Variants in QSOX2 observed in about 807,000 individuals in gnomAD.
The protein encoded by QSOX2 is quiescin sulfhydryl oxidase 2.
A neutral mutation model predicts 61.7 loss-of-function variants in QSOX2; 46 were observed. The observed-to-expected ratio is 0.75, with a 90% confidence interval of 0.59 to 0.95. The LOEUF is 0.95. QSOX2 is among the 40% of genes least tolerant of loss of function. The pLI is 0.00. For synonymous variants in QSOX2, 383 were observed against 388.4 expected (o/e 0.99, Z 0.16); for missense variants, 879 against 918.9 (o/e 0.96, Z 0.56).
At chr9:136,225,983 G>A (rs1016701619) in intron 2 of QSOX2, among the ~76,000 whole-genome samples, 4 of 152,250 alleles carry the variant, frequency 2.6e-5, no homozygotes, top group African/African-American at 9.6e-5. Flanking sequence ...CTGGGGCAGG[G>A]CTGACACCGG....
At chr9:136,238,735 A>C (rs1323560851) in intron 1 of QSOX2, among the ~76,000 whole-genome samples, 2 of 152,244 alleles carry the variant, frequency 1.3e-5, no homozygotes, top group Non-Finnish European at 2.9e-5. Context: ...TTCCCTGCTT[A>C]AAATTGTTCT....
Position 136,208,640 on chromosome 9 carries a change from C to T in QSOX2, c.*88G>A. Reference sequence around the variant, plus strand: ...AACCAGGCCCGCATGTTTATAAAATCCCTGATCATAAATATTAAAGCTGCA... The same window carrying T: ...AACCAGGCCCGCATGTTTATAAAATTCCTGATCATAAATATTAAAGCTGCA... On this transcript the variant is annotated 3_prime_UTR_variant, in exon 12 of 12. Coordinates refer to ENST00000358701, the MANE Select transcript of QSOX2 (RefSeq NM_181701.4). 1 of 1,447,628 alleles carries T rather than the reference C, an allele frequency of 6.9e-7. No individual in the cohort carries two copies. Among genetic ancestry groups the T allele is most frequent in the South Asian group, 1.5e-5 (1 of 67,212 alleles). 89.7% of individuals were successfully genotyped at this position (1,447,628 alleles called of 1,614,324 possible).
At chr9:136,238,239 T>G (rs1190402267) in intron 1 of QSOX2, among the ~76,000 whole-genome samples, 1 of 152,094 alleles carries the variant, frequency 6.6e-6, no homozygotes, top group Non-Finnish European at 1.5e-5. Flanking sequence ...AGAAAACTAG[T>G]CAGACGGGGA....
rs1172692290 is a variant in QSOX2 at position 136,218,813 on chromosome 9, G to C, written c.957-5C>G. On this transcript the variant is annotated splice_polypyrimidine_tract_variant and splice_region_variant and intron_variant, in intron 7 of 11. Coordinates refer to ENST00000358701, the MANE Select transcript of QSOX2 (RefSeq NM_181701.4). The stretch of plus-strand genomic sequence containing the variant: ...TCCACCGTGTACAGCTTCGACCTAG[G>C]ACGGGATATGGCAGCGTCAGGGAAT... 1 of 1,612,672 alleles carries C rather than the reference G, an allele frequency of 6.2e-7. No homozygotes were observed. Among genetic ancestry groups the C allele is most frequent in the East Asian group, 2.2e-5 (1 of 44,874 alleles).
chr9:136,213,776 G>A (rs1267443536), intron 10 of QSOX2, among the ~76,000 whole-genome samples: 1 of 152,142 alleles, frequency 6.6e-6, no homozygotes, highest in Non-Finnish European at 1.5e-5. Flanking sequence ...ACTCTCAGGG[G>A]GTCCTGCCTG....
chr9:136,234,802 CTTGG>C (rs2131066361), intron 1 of QSOX2, among the ~76,000 whole-genome samples: 1 of 151,374 alleles, frequency 6.6e-6, no homozygotes, highest in African/African-American at 2.5e-5. Context: ...CACACCCCAG[CTTGG>C]GAGCAAGGCT....
In QSOX2 at chr9:136,245,639, C is replaced by G. The variant is rs782752075; in HGVS notation, c.165G>C (p.Leu55=). 5.8e-6 allele frequency: 8 copies of G among 1,376,828 alleles called. No homozygotes were observed. In the East Asian group the frequency reaches 2.4e-4, roughly 42 times the overall value. The allele number at this position is 1,376,828 out of a possible 1,614,324, so 85.3% of individuals were successfully genotyped here. Residue 55 remains leucine (L), a synonymous_variant, in exon 1 of 12, where the codon CTG becomes CTC. Transcript: ENST00000358701. The part of the protein sequence containing the change: ...VGPGAGGAAR[L]YRAGEDAVWV... The stretch of plus-strand genomic sequence containing the variant: ...ACACGGCGTCCTCGCCCGCGCGGTA[C>G]AGCCGCGCCGCACCGCCCGCGCCCG...
rs1470791922 is a variant in QSOX2 at position 136,223,035 on chromosome 9, T to C, written c.675+728A>G. On this transcript the variant is annotated intron_variant, in intron 5 of 11. Coordinates refer to ENST00000358701, the MANE Select transcript of QSOX2 (RefSeq NM_181701.4). The surrounding 1 kb of genome is among the most constrained non-coding windows in gnomAD (Gnocchi z 4.4). ...CAAAGCGAGACGGTCACAGTGCAGG[T>C]GTCTGCAGCTGCCTTCCCAAGTGCG... 1.3e-5 allele frequency among the ~76,000 whole-genome samples: 2 copies of C among 152,202 alleles called. No individual in the cohort carries two copies. The highest frequency in any genetic ancestry group is 2.9e-5 in the Non-Finnish European group (2 of 68,024).
intron 1 of QSOX2, among the ~76,000 whole-genome samples, chr9:136,242,865 G>A (rs1830443580): frequency 1.3e-5 from 2 of 152,234 alleles, no homozygotes; most frequent in Non-Finnish European, 2.9e-5. Context: ...CATGGGCACA[G>A]CTTGGCTCTC....
rs200870910 is a variant in QSOX2 at position 136,212,528 on chromosome 9, G to GAGAGC, written c.1361-1081_1361-1077dup. Among the ~76,000 whole-genome samples, 1,223 of 152,324 alleles carry GAGAGC rather than the reference G, an allele frequency of 8.0e-3. 18 individuals are homozygous for GAGAGC. The highest frequency in any genetic ancestry group is 0.028 in the African/African-American group (1,159 of 41,550). ...TCTTGTTTATTTCACCCAGAAAGGT[G>GAGAGC]AGAGCAGAGCAGAGCAGACCACCTC... On this transcript the variant is annotated intron_variant, in intron 10 of 11. Coordinates refer to ENST00000358701, the MANE Select transcript of QSOX2 (RefSeq NM_181701.4).
chr9:136,225,020 G>T (rs1338246284), intron 2 of QSOX2, 111 bp from the exon 3 acceptor site: 2 of 674,002 alleles, frequency 3.0e-6, no homozygotes, highest in Admixed American at 3.2e-5. Context: ...AATTTCCTTC[G>T]GAAAGTTTTC....
chr9:136,219,813 C>T (rs1831959942), intron 6 of QSOX2, among the ~76,000 whole-genome samples: 1 of 152,192 alleles, frequency 6.6e-6, no homozygotes, highest in Non-Finnish European at 1.5e-5. Context: ...AAAATATTAA[C>T]ATTATTTGAC....
intron 1 of QSOX2, among the ~76,000 whole-genome samples, chr9:136,228,045 C>T (rs545942536): frequency 2.6e-5 from 4 of 152,302 alleles, no homozygotes; most frequent in Admixed American, 2.0e-4. Context: ...GGTCCTGGCA[C>T]TTTCCTTCTC....
At position 136,209,253 on chromosome 9, in the gene QSOX2, C is replaced by T; in HGVS notation, c.1572G>A (p.Arg524=). The stretch of plus-strand genomic sequence containing the variant: ...GAGTGGGCCACTGAAGCTTTGGAAA[C>T]CGGGGATCCTCACTCAGATGGCCTA... The part of the protein sequence containing the change: ...RLAGHLSEDP[R]FPKLQWPTPD... The change falls in exon 12 of 12, where the codon CGG becomes CGA. Residue 524 remains arginine (R), a synonymous_variant. Transcript: ENST00000358701. This position sits in a 1 kb window ranked among gnomAD's most constrained non-coding sequence, Gnocchi z 5.6. 1.9e-6 allele frequency: 3 copies of T among 1,612,964 alleles called. No homozygotes were observed. Among genetic ancestry groups the T allele is most frequent in the Non-Finnish European group, 2.5e-6 (3 of 1,179,276 alleles).
intron 9 of QSOX2, 25 bp downstream of exon 9, chr9:136,216,575 G>T: frequency 6.2e-7 from 1 of 1,612,182 alleles, no homozygotes. Flanking sequence ...GGTGCAGCGT[G>T]GCTGGCGAGG....
In QSOX2 at chr9:136,219,151, G is replaced by A. The variant is rs752708799; in HGVS notation, c.835C>T (p.Arg279Trp). 44 of 1,613,688 alleles carry A rather than the reference G, an allele frequency of 2.7e-5. No individual in the cohort carries two copies. Among genetic ancestry groups the A allele is most frequent in the Non-Finnish European group, 3.5e-5 (41 of 1,179,972 alleles). The change falls in exon 7 of 12, where the codon CGG (arginine) becomes TGG (tryptophan). Residue 279 changes from arginine (R) to tryptophan (W), a missense_variant. Transcript: ENST00000358701. ...TTCAAATAAGACGAAAAGAAGGCCCGCAGAGGCTTCACGCTGTGAGAGAGG... is the reference window on the plus strand; with the variant it reads ...TTCAAATAAGACGAAAAGAAGGCCCACAGAGGCTTCACGCTGTGAGAGAGG... ...HGLINVVKPL[R>W]AFFSSYLKSL...
chr9:136,216,910 T>C (rs115480331), intron 8 of QSOX2, among the ~76,000 whole-genome samples, 188 bp from the exon 9 acceptor site: 2,587 of 152,330 alleles, frequency 0.017, 65 homozygotes, highest in African/African-American at 0.058. Context: ...GGTGGGCATC[T>C]AGCCTGCGCC....
intron 1 of QSOX2, 135 bp from the exon 2 acceptor site, chr9:136,227,009 C>T: frequency 1.4e-6 from 1 of 695,482 alleles, no homozygotes; most frequent in South Asian, 1.5e-5. Context: ...ATCAGTTAGG[C>T]CCTCATCACA....
At position 136,209,950 on chromosome 9, in the gene QSOX2, G is replaced by T; in HGVS notation, c.1550-675C>A. Reference sequence around the variant, plus strand: ...CGCACGGCGCCTCCTAGCTCTCGGAGCCCCTGCGACCCGACTTGCTGACAC... The same window carrying T: ...CGCACGGCGCCTCCTAGCTCTCGGATCCCCTGCGACCCGACTTGCTGACAC... On this transcript the variant is annotated intron_variant, in intron 11 of 11. Transcript: ENST00000358701. This position sits in a 1 kb window ranked among gnomAD's most constrained non-coding sequence, Gnocchi z 5.6. 2.0e-6 allele frequency: 2 copies of T among 985,424 alleles called. No individual in the cohort carries two copies. The highest frequency in any genetic ancestry group is 3.5e-5 in the African/African-American group (2 of 57,372). The allele number at this position is 985,424 out of a possible 1,614,324, so 61.0% of individuals were successfully genotyped here.
Sources: gnomAD v4.1 joint callset for allele counts (sites outside exome capture counted in the v4.1 genomes callset) on GRCh38, gnomAD v4.1.1 for gene constraint, Gnocchi (gnomAD v3.1) non-coding constraint, MANE v1.5 for transcripts, NCBI Gene and HGNC (gene_info 2026-07-23, HGNC 2026-07-21) for gene names.